RGL1: variants seen among roughly 807,000 people sequenced by gnomAD.
RGL1 encodes ral guanine nucleotide dissociation stimulator like 1.
RGL1 carries 24 observed loss-of-function variants against 95.2 expected under a neutral mutation model. That is an observed-to-expected ratio of 0.25 (90% CI 0.18 to 0.35). The LOEUF (loss-of-function observed/expected upper bound fraction) is 0.35. RGL1 is among the 10% of genes least tolerant of loss of function. RGL1 has a pLI of 1.00. For missense variants in RGL1, 715 were observed against 936.3 expected, an observed-to-expected ratio of 0.76 and a Z score of 3.08; for synonymous variants, 329 against 344.9, an observed-to-expected ratio of 0.95 and a Z score of 0.51.
At chr1:183,895,298 A>G (rs1667626065) in intron 9 of RGL1, among the ~76,000 whole-genome samples, 2 of 152,150 alleles carry the variant, frequency 1.3e-5, no homozygotes, top group Admixed American at 1.3e-4. Context: ...GGGCCCTCTG[A>G]AGCCCAAGAA....
At chr1:183,916,281 G>A (rs1433945820) in intron 15 of RGL1, among the ~76,000 whole-genome samples, 166 bp from the exon 16 acceptor site, 1 of 152,212 alleles carries the variant, frequency 6.6e-6, no homozygotes, top group Non-Finnish European at 1.5e-5. Flanking sequence ...CACTGATGGG[G>A]ACTCAGAGTA....
chr1:183,705,973 G>A (rs1253614546), intron 1 of RGL1, among the ~76,000 whole-genome samples: 1 of 152,108 alleles, frequency 6.6e-6, no homozygotes, highest in Non-Finnish European at 1.5e-5. Flanking sequence ...CAGGGGTGTG[G>A]TGTTTTGTGA....
chr1:183,713,046 G>GA (rs1340493578), intron 1 of RGL1, among the ~76,000 whole-genome samples: 2 of 151,962 alleles, frequency 1.3e-5, no homozygotes, highest in African/African-American at 4.8e-5. Flanking sequence ...TTTGTTTTGA[G>GA]ACAGAGTCTC....
chr1:183,648,163 C>T, intron 1 of RGL1: 1 of 1,614,186 alleles, frequency 6.2e-7, no homozygotes, highest in Non-Finnish European at 8.5e-7. Flanking sequence ...ACATGTGATC[C>T]TGAGACACCA....
intron 2 of RGL1, among the ~76,000 whole-genome samples, chr1:183,830,946 AT>A (rs745645653): frequency 3.3e-4 from 51 of 152,340 alleles, no homozygotes; most frequent in African/African-American, 1.2e-3. Flanking sequence ...TACTTACAGT[AT>A]TACTTTGTTT....
chr1:183,790,193 T>C (rs994739983), intron 2 of RGL1, among the ~76,000 whole-genome samples: 6 of 152,004 alleles, frequency 3.9e-5, no homozygotes, highest in African/African-American at 9.7e-5. Context: ...TCCCAAAGTG[T>C]TGGGATTAGA....
At chr1:183,889,368 C>T (rs2102663208) in intron 8 of RGL1, among the ~76,000 whole-genome samples, 3 of 152,226 alleles carry the variant, frequency 2.0e-5, no homozygotes, top group Middle Eastern at 6.8e-3. Flanking sequence ...GGAAGTTAGG[C>T]TATATCAGGG....
At chr1:183,784,141 C>T (rs1337111527) in intron 2 of RGL1, among the ~76,000 whole-genome samples, 3 of 152,068 alleles carry the variant, frequency 2.0e-5, no homozygotes, top group African/African-American at 4.8e-5. Context: ...GATCTGCCCT[C>T]GAGGATTGAT....
At position 183,866,648 on chromosome 1, in the gene RGL1, C is replaced by A. The variant is rs1415527355; in HGVS notation, c.425+575C>A. On this transcript the variant is annotated intron_variant, in intron 4 of 17. Transcript: ENST00000360851. Reference sequence around the variant, plus strand: ...AGGTGAGCAGGAAGGTGGCCACTCACAAGGGGACTCATAGCAACTTGGGGA... The same window carrying A: ...AGGTGAGCAGGAAGGTGGCCACTCAAAAGGGGACTCATAGCAACTTGGGGA... 2.6e-5 allele frequency among the ~76,000 whole-genome samples: 4 copies of A among 152,146 alleles called. No homozygotes were observed. In the East Asian group the frequency reaches 7.7e-4, roughly 29 times the overall value.
At position 183,692,666 on chromosome 1, in the gene RGL1, G is replaced by A. The variant is rs183417660; in HGVS notation, c.-32-49460G>A. On this transcript the variant is annotated intron_variant, in intron 1 of 18. Transcript: ENST00000304685. ...GTTAAAACAATTATAGTAACAAGAT[G>A]CTTAACTCTCACTCTATAAACAATA... Among the ~76,000 whole-genome samples, 23 of 152,218 alleles carry A rather than the reference G, an allele frequency of 1.5e-4. No individual in the cohort carries two copies. The East Asian group carries it at 4.4e-3, about 29-fold the overall frequency.
intron 17 of RGL1, 53 bp downstream of exon 17, chr1:183,922,389 C>A: frequency 1.5e-6 from 2 of 1,319,380 alleles, no homozygotes; most frequent in Non-Finnish European, 2.2e-6. Flanking sequence ...GTGGCTAGCA[C>A]ATGTCCACAG....
intron 3 of RGL1, among the ~76,000 whole-genome samples, chr1:183,861,191 A>T (rs1665491905): frequency 6.6e-6 from 1 of 152,216 alleles, no homozygotes; most frequent in South Asian, 2.1e-4. Flanking sequence ...CTCAATAATT[A>T]TTAACTGCTG....
chr1:183,861,824 A>G (rs1435022998), intron 3 of RGL1, among the ~76,000 whole-genome samples: 1 of 152,092 alleles, frequency 6.6e-6, no homozygotes, highest in Non-Finnish European at 1.5e-5. Context: ...AAACATACAC[A>G]CTCATACACA....
chr1:183,902,980 A>G (rs1459764293), intron 12 of RGL1, among the ~76,000 whole-genome samples: 2 of 152,190 alleles, frequency 1.3e-5, no homozygotes, highest in Non-Finnish European at 2.9e-5. Flanking sequence ...ATAACAATGT[A>G]TTTTATACTT....
chr1:183,869,060 G>C (rs1666009133), intron 4 of RGL1, among the ~76,000 whole-genome samples: 4 of 152,188 alleles, frequency 2.6e-5, no homozygotes, highest in Admixed American at 2.6e-4. Flanking sequence ...TGAGGCTGCT[G>C]TGAGCCATGA....
At chr1:183,653,306 A>G (rs897319390) in intron 1 of RGL1, 1 of 152,258 alleles carries the variant, frequency 6.6e-6, no homozygotes, top group Non-Finnish European at 1.5e-5. Context: ...GCTACCTCTA[A>G]GAACACTGTT....
intron 3 of RGL1, among the ~76,000 whole-genome samples, chr1:183,862,906 A>C (rs192437707): frequency 6.6e-6 from 1 of 152,378 alleles, no homozygotes; most frequent in Admixed American, 6.5e-5. Flanking sequence ...AATGAACTAC[A>C]CAGTATATCA....
At chr1:183,681,457 G>A (rs1237594348) in intron 1 of RGL1, among the ~76,000 whole-genome samples, 1 of 152,172 alleles carries the variant, frequency 6.6e-6, no homozygotes, top group Non-Finnish European at 1.5e-5. Flanking sequence ...CATTGGTTCT[G>A]TTTATGTGGT....
intron 1 of RGL1, among the ~76,000 whole-genome samples, chr1:183,645,876 T>C (rs1259581984): frequency 6.6e-6 from 1 of 152,248 alleles, no homozygotes; most frequent in Non-Finnish European, 1.5e-5. Context: ...TAATCTTCTT[T>C]GTAGCCCTAG....
Sources: allele counts gnomAD v4.1 joint callset (sites outside exome capture counted in the v4.1 genomes callset), GRCh38; gene constraint gnomAD v4.1.1; transcripts MANE v1.5; gene names NCBI Gene and HGNC (gene_info 2026-07-23, HGNC 2026-07-21).